Variants in RAPGEF1 observed in about 807,000 individuals in gnomAD.
The protein encoded by RAPGEF1 is Rap guanine nucleotide exchange factor 1.
Under a neutral mutation model 143.3 loss-of-function variants are expected in RAPGEF1, and 33 were observed. The observed-to-expected ratio is 0.23, with a 90% CI of 0.17 to 0.31. The LOEUF is 0.31. Among genes scored for constraint, RAPGEF1 ranks in the 10% least tolerant of loss-of-function variants. The pLI, the probability that RAPGEF1 is intolerant of heterozygous loss-of-function variation, is 1.00. For missense variants in RAPGEF1, 1,199 were observed against 1,645.4 expected (o/e 0.73, Z 4.69); for synonymous variants, 629 against 676.5 (o/e 0.93, Z 1.09).
intron 1 of RAPGEF1, among the ~76,000 whole-genome samples, chr9:131,725,725 A>G (rs1465847270): frequency 6.7e-6 from 1 of 148,924 alleles, no homozygotes; most frequent in Non-Finnish European, 1.5e-5. Context: ...AGAAATGCCT[A>G]TTCAAGCCCT....
chr9:131,695,167 C>T (rs1341847337), intron 1 of RAPGEF1, among the ~76,000 whole-genome samples: 1 of 152,154 alleles, frequency 6.6e-6, no homozygotes, highest in African/African-American at 2.4e-5. Context: ...AATCAATGTT[C>T]ATTAGATAAA....
At chr9:131,623,280 G>C (rs552480367) in intron 10 of RAPGEF1, among the ~76,000 whole-genome samples, 2 of 152,084 alleles carry the variant, frequency 1.3e-5, no homozygotes, top group African/African-American at 2.4e-5. Flanking sequence ...GGGCAACATA[G>C]TGAGACCCCC....
In RAPGEF1 at chr9:131,578,090, T is replaced by C. The variant is rs772695404; in HGVS notation, c.*1407A>G. ...GACCACGTCCTAAACCCGGGACAAG[T>C]GAGCACTCATTCATGCACAGCAGAC... On this transcript the variant is annotated 3_prime_UTR_variant, in exon 27 of 27. Coordinates refer to ENST00000683357, the MANE Select transcript of RAPGEF1 (RefSeq NM_001377935.1). 6 of 152,154 alleles carry C rather than the reference T, an allele frequency of 3.9e-5. No individual in the cohort carries two copies. Among genetic ancestry groups the C allele is most frequent in the Non-Finnish European group, 8.8e-5 (6 of 68,054 alleles). 9.4% of individuals were successfully genotyped at this position (152,154 alleles called of 1,614,324 possible).
At chr9:131,739,600 A>G (rs1837624932) in intron 1 of RAPGEF1, among the ~76,000 whole-genome samples, 170 bp downstream of exon 1, 1 of 147,270 alleles carries the variant, frequency 6.8e-6, no homozygotes, top group Non-Finnish European at 1.5e-5. Flanking sequence ...CCGGCAGGCA[A>G]TGGGCCTGGA....
At position 131,641,582 on chromosome 9, in the gene RAPGEF1, G is replaced by C. The variant is rs534386004; in HGVS notation, c.494+1657C>G. The stretch of plus-strand genomic sequence containing the variant: ...ATCGTAGAACAGAGGGAGCTGATTT[G>C]TTTCAACTAGGCTTTAACTATTCCA... On this transcript the variant is annotated intron_variant, in intron 4 of 26. Coordinates refer to ENST00000683357, the MANE Select transcript of RAPGEF1 (RefSeq NM_001377935.1). This position sits in a 1 kb window ranked among gnomAD's most constrained non-coding sequence, Gnocchi z 4.6. Among the ~76,000 whole-genome samples, 1 of 152,218 alleles carries C rather than the reference G, an allele frequency of 6.6e-6. No homozygotes were observed. Among genetic ancestry groups the C allele is most frequent in the African/African-American group, 2.4e-5 (1 of 41,450 alleles).
chr9:131,615,551 C>T (rs756379461), intron 12 of RAPGEF1, among the ~76,000 whole-genome samples: 1 of 152,166 alleles, frequency 6.6e-6, no homozygotes, highest in African/African-American at 2.4e-5. Flanking sequence ...AGCAAACAGT[C>T]GAGTCCAGGC....
chr9:131,693,935 CTCAA>C (rs1397966147), intron 1 of RAPGEF1, among the ~76,000 whole-genome samples: 2 of 152,076 alleles, frequency 1.3e-5, no homozygotes, highest in Non-Finnish European at 2.9e-5. Flanking sequence ...CTCGTATCCT[CTCAA>C]TCAGTTTCTC....
chr9:131,732,344 G>A (rs536586031), intron 1 of RAPGEF1, among the ~76,000 whole-genome samples: 10 of 152,334 alleles, frequency 6.6e-5, no homozygotes, highest in African/African-American at 2.4e-4. Flanking sequence ...TGTAAACACA[G>A]GGCAGAACGA....
chr9:131,603,183 G>A (rs1029646618), intron 14 of RAPGEF1, among the ~76,000 whole-genome samples: 7 of 152,088 alleles, frequency 4.6e-5, no homozygotes, highest in Admixed American at 4.6e-4. Flanking sequence ...CACCTGAACG[G>A]GTGTGACCAA....
In RAPGEF1 at chr9:131,628,612, A is replaced by G; in HGVS notation, c.954T>C (p.Ala318=). Residue 318 remains alanine (A), a synonymous_variant, in exon 8 of 27, where the codon GCT becomes GCC. Coordinates refer to ENST00000683357, the MANE Select transcript of RAPGEF1 (RefSeq NM_001377935.1). This position sits in a 1 kb window ranked among gnomAD's most constrained non-coding sequence, Gnocchi z 5.7. ...TGGCTCGGCTCATGGGGGCCACCAC[A>G]GCCACTCGGGTAGGGGACGGCGCCG... is the stretch of plus-strand genomic sequence containing the variant. ...RQSAPSPTRV[A]VVAPMSRATS... is the part of the protein sequence containing the mutation. 6.2e-7 allele frequency: 1 copy of G among 1,613,220 alleles called. No individual in the cohort carries two copies. Among genetic ancestry groups the G allele is most frequent in the Non-Finnish European group, 8.5e-7 (1 of 1,179,270 alleles).
intron 1 of RAPGEF1, among the ~76,000 whole-genome samples, chr9:131,663,187 C>T (rs1038269540): frequency 2.0e-5 from 3 of 152,110 alleles, no homozygotes; most frequent in East Asian, 1.9e-4. Flanking sequence ...CACCTAGATT[C>T]GTCAACCGTT....
intron 12 of RAPGEF1, among the ~76,000 whole-genome samples, chr9:131,608,581 T>TG (rs1167783128): frequency 6.6e-6 from 1 of 152,178 alleles, no homozygotes; most frequent in African/African-American, 2.4e-5. Context: ...CGGCCTCTCT[T>TG]GGACAAAGGG....
intron 1 of RAPGEF1, among the ~76,000 whole-genome samples, chr9:131,712,404 CA>C (rs1263946933): frequency 6.6e-6 from 1 of 152,194 alleles, no homozygotes; most frequent in African/African-American, 2.4e-5. Context: ...ATGCATTAAC[CA>C]GAGTTTCTAA....
intron 1 of RAPGEF1, among the ~76,000 whole-genome samples, chr9:131,694,893 A>C: frequency 6.8e-6 from 1 of 147,588 alleles, no homozygotes; most frequent in East Asian, 2.0e-4. Context: ...GGTGTGCTGC[A>C]CCCATTAACT....
intron 15 of RAPGEF1, 86 bp from the exon 16 acceptor site, chr9:131,598,396 G>A: frequency 9.4e-7 from 1 of 1,062,592 alleles, no homozygotes; most frequent in Non-Finnish European, 1.4e-6. Context: ...GGTGTGCACG[G>A]CTCGAAACCG....
intron 1 of RAPGEF1, among the ~76,000 whole-genome samples, chr9:131,663,062 G>A (rs962770229): frequency 6.6e-5 from 10 of 151,540 alleles, no homozygotes; most frequent in East Asian, 3.9e-4. Flanking sequence ...ACCTAGATTC[G>A]TCAACCGTTA....
chr9:131,615,107 C>G (rs543203127), intron 12 of RAPGEF1, among the ~76,000 whole-genome samples: 3 of 152,286 alleles, frequency 2.0e-5, no homozygotes, highest in African/African-American at 4.8e-5. Flanking sequence ...GAGTCTTGCT[C>G]TGTTGCCCAG....
chr9:131,642,046 A>G (rs1968160760), intron 4 of RAPGEF1, among the ~76,000 whole-genome samples: 3 of 152,238 alleles, frequency 2.0e-5, no homozygotes, highest in African/African-American at 7.2e-5. Context: ...TTTATCCTGA[A>G]CAGGTACCAT....
intron 12 of RAPGEF1, among the ~76,000 whole-genome samples, chr9:131,614,270 A>T (rs1015062357): frequency 2.0e-5 from 3 of 152,236 alleles, no homozygotes; most frequent in African/African-American, 7.2e-5. Context: ...AGCCAATGAG[A>T]CAAGATGGCA....
Sources: gnomAD v4.1 joint callset for allele counts (sites outside exome capture counted in the v4.1 genomes callset) on GRCh38, gnomAD v4.1.1 for gene constraint, Gnocchi (gnomAD v3.1) non-coding constraint, MANE v1.5 for transcripts, NCBI Gene and HGNC (gene_info 2026-07-23, HGNC 2026-07-21) for gene names.